Variants in STARD13 observed in about 807,000 individuals in gnomAD.
The protein encoded by STARD13 is stAR-related lipid transfer protein 13.
STARD13 carries 62 observed loss-of-function variants against 106.4 expected under a neutral mutation model. The observed-to-expected ratio is 0.58, with a 90% confidence interval of 0.48 to 0.72. STARD13 has a LOEUF of 0.72. Among genes scored for constraint, STARD13 ranks in the 30% least tolerant of loss-of-function variants. STARD13 has a pLI of 0.00. For missense variants in STARD13, 1,387 were observed against 1,424.0 expected (o/e 0.97, Z 0.42); for synonymous variants, 565 against 553.0 (o/e 1.02, Z -0.31).
the STARD13 span, among the ~76,000 whole-genome samples, chr13:33,526,799 C>T: frequency 6.6e-6 from 1 of 152,030 alleles, no homozygotes; most frequent in Non-Finnish European, 1.5e-5. Flanking sequence ...TTAATATTAA[C>T]TATTATTATG....
At chr13:33,464,122 A>C in the STARD13 span, among the ~76,000 whole-genome samples, 1 of 151,228 alleles carries the variant, frequency 6.6e-6, no homozygotes, top group Non-Finnish European at 1.5e-5. Flanking sequence ...ATATTCATCA[A>C]CTAGTGTGAA....
intron 6 of STARD13, 81 bp downstream of exon 6, chr13:33,127,292 C>A (rs920791092): frequency 1.4e-6 from 2 of 1,431,330 alleles, no homozygotes; most frequent in East Asian, 5.2e-5. Context: ...TCAGATATCA[C>A]AAAGTAAACA....
the STARD13 span, among the ~76,000 whole-genome samples, chr13:33,470,119 A>G: frequency 1.3e-5 from 2 of 151,494 alleles, no homozygotes; most frequent in African/African-American, 2.4e-5. Flanking sequence ...TCATTGTTCA[A>G]CTCCCATTTA....
At chr13:33,540,059 T>C in the STARD13 span, among the ~76,000 whole-genome samples, 1 of 152,238 alleles carries the variant, frequency 6.6e-6, no homozygotes, top group Admixed American at 6.5e-5. Context: ...ATAGCAAGTG[T>C]TGGCATTTGA....
the STARD13 span, among the ~76,000 whole-genome samples, chr13:33,597,031 C>T: frequency 1.3e-5 from 2 of 152,110 alleles, no homozygotes; most frequent in Admixed American, 1.3e-4. Context: ...TACTGATTTC[C>T]TTTCCTTTAA....
chr13:33,637,755 A>C, the STARD13 span, among the ~76,000 whole-genome samples: 1 of 152,226 alleles, frequency 6.6e-6, no homozygotes, highest in East Asian at 1.9e-4. Flanking sequence ...CAACTCACAC[A>C]TTTTATCCTA....
intron 1 of STARD13, among the ~76,000 whole-genome samples, chr13:33,247,772 A>T (rs1889903874): frequency 6.6e-6 from 1 of 152,190 alleles, no homozygotes; most frequent in Non-Finnish European, 1.5e-5. Flanking sequence ...CAAAACGCAC[A>T]ATTCTCAGCA....
chr13:33,266,508 C>G (rs1890903736), intron 1 of STARD13, among the ~76,000 whole-genome samples: 1 of 152,138 alleles, frequency 6.6e-6, no homozygotes, highest in African/African-American at 2.4e-5. Context: ...ACTTTTTTGC[C>G]AACCTTATCA....
At chr13:33,358,213 C>T in the STARD13 span, among the ~76,000 whole-genome samples, 1 of 152,232 alleles carries the variant, frequency 6.6e-6, no homozygotes, top group Non-Finnish European at 1.5e-5. Context: ...TAGCTGCCTT[C>T]CCATGGGGCA....
the STARD13 span, among the ~76,000 whole-genome samples, chr13:33,368,803 A>G: frequency 6.6e-6 from 1 of 152,112 alleles, no homozygotes; most frequent in Non-Finnish European, 1.5e-5. Flanking sequence ...GAGCCGGCCC[A>G]CCATTTGGTG....
chr13:33,301,364 C>T (rs963986415), intron 1 of STARD13, among the ~76,000 whole-genome samples: 1 of 152,152 alleles, frequency 6.6e-6, no homozygotes, highest in African/African-American at 2.4e-5. Context: ...ATGCTGCCTC[C>T]TGTCTTCTCT....
chr13:33,176,633 TG>T (rs1884549109), intron 1 of STARD13, among the ~76,000 whole-genome samples: 2 of 152,236 alleles, frequency 1.3e-5, no homozygotes, highest in African/African-American at 4.8e-5. Context: ...TTCAGGTATT[TG>T]AAATAGCTTT....
chr13:33,429,926 T>G, the STARD13 span, among the ~76,000 whole-genome samples: 93 of 138,696 alleles, frequency 6.7e-4, no homozygotes, highest in Middle Eastern at 3.6e-3. Context: ...TACTTTTTTT[T>G]TGGGGGGGGG....
chr13:33,575,231 A>G, the STARD13 span, among the ~76,000 whole-genome samples: 3 of 152,116 alleles, frequency 2.0e-5, no homozygotes, highest in African/African-American at 7.2e-5. Flanking sequence ...TACGTATTTT[A>G]AATATATTCG....
the STARD13 span, among the ~76,000 whole-genome samples, chr13:33,643,246 G>T: frequency 1.3e-5 from 2 of 150,714 alleles, no homozygotes; most frequent in African/African-American, 4.9e-5. Flanking sequence ...GTCTTCTCTG[G>T]TTCCTCCTGC....
At chr13:33,515,014 C>T in the STARD13 span, among the ~76,000 whole-genome samples, 8 of 152,054 alleles carry the variant, frequency 5.3e-5, no homozygotes, top group Non-Finnish European at 1.2e-4. Flanking sequence ...GCCTGGAAAA[C>T]ACCACTTACA....
Position 33,105,551 on chromosome 13 carries a change from T to C in STARD13, c.*42A>G, listed in dbSNP as rs561508904. 1.4e-6 allele frequency: 2 copies of C among 1,401,544 alleles called. No homozygotes were observed. The highest frequency in any genetic ancestry group is 2.0e-6 in the Non-Finnish European group (2 of 985,826). The allele number at this position is 1,401,544 out of a possible 1,614,324, so 86.8% of individuals were successfully genotyped here. On this transcript the variant is annotated 3_prime_UTR_variant, in exon 14 of 14. Transcript: ENST00000336934. The stretch of plus-strand genomic sequence containing the variant: ...ACACTCTCTGCCACACTCGTCACTT[T>C]AGCTTCCTCTTCCCTGAGTTTGATG...
At chr13:33,653,236 C>T in the STARD13 span, among the ~76,000 whole-genome samples, 4 of 152,050 alleles carry the variant, frequency 2.6e-5, no homozygotes, top group Non-Finnish European at 5.9e-5. Flanking sequence ...TTGAGGAAGA[C>T]GAACAAAGTT....
chr13:33,326,515 GA>G (rs1443146852), intron 1 of STARD13, among the ~76,000 whole-genome samples: 1 of 152,182 alleles, frequency 6.6e-6, no homozygotes. Flanking sequence ...GGAGAAAAAG[GA>G]AACTGTATTC....
Sources: gnomAD v4.1 joint callset for allele counts (sites outside exome capture counted in the v4.1 genomes callset) on GRCh38, gnomAD v4.1.1 for gene constraint, MANE v1.5 for transcripts, NCBI Gene and HGNC (gene_info 2026-07-23, HGNC 2026-07-21) for gene names.